FAM13A: variants seen among roughly 807,000 people sequenced by gnomAD.
The protein encoded by FAM13A is family with sequence similarity 13 member A.
In FAM13A, 76 loss-of-function variants were observed where a neutral mutation model predicts 129.6. The observed-to-expected ratio is 0.59, with a 90% confidence interval of 0.49 to 0.71. The LOEUF (loss-of-function observed/expected upper bound fraction) is 0.71, where lower values mean the gene tolerates loss of function less well. FAM13A is among the 30% of genes least tolerant of loss of function. The pLI is 0.00. For synonymous variants in FAM13A, 443 were observed against 449.9 expected (o/e 0.98, Z 0.20); for missense variants, 1,108 against 1,249.3 (o/e 0.89, Z 1.70).
At chr4:88,754,920 C>T (rs1200039763) in intron 14 of FAM13A, among the ~76,000 whole-genome samples, 1 of 151,898 alleles carries the variant, frequency 6.6e-6, no homozygotes, top group Non-Finnish European at 1.5e-5. Flanking sequence ...GAGAATACCC[C>T]CATTTGAGCT....
intron 4 of FAM13A, among the ~76,000 whole-genome samples, chr4:88,949,166 T>C (rs1756492653): frequency 6.6e-6 from 1 of 152,228 alleles, no homozygotes; most frequent in Non-Finnish European, 1.5e-5. Flanking sequence ...AAGCCTTCTA[T>C]GTCTTAATCT....
At chr4:88,817,424 A>G (rs1340268575) in intron 7 of FAM13A, among the ~76,000 whole-genome samples, 1 of 152,014 alleles carries the variant, frequency 6.6e-6, no homozygotes, top group Non-Finnish European at 1.5e-5. Context: ...TTAGCTGGGC[A>G]TGGTGGTGCA....
chr4:88,737,443 A>G (rs1739224145), intron 21 of FAM13A, 29 bp downstream of exon 21: 2 of 1,595,056 alleles, frequency 1.3e-6, no homozygotes, highest in Non-Finnish European at 1.7e-6. Context: ...GTGCGGATTT[A>G]GCAATGGGTT....
chr4:89,042,755 GT>G (rs1217172531), intron 1 of FAM13A, among the ~76,000 whole-genome samples: 4 of 97,594 alleles, frequency 4.1e-5, no homozygotes, highest in African/African-American at 4.1e-5. Context: ...TTCTCTTTAT[GT>G]TTTTTTCTAT....
At chr4:88,753,859 C>T (rs1743126981) in intron 14 of FAM13A, among the ~76,000 whole-genome samples, 2 of 152,192 alleles carry the variant, frequency 1.3e-5, no homozygotes, top group African/African-American at 4.8e-5. Flanking sequence ...ATAACAGGTA[C>T]AATTTCACTG....
chr4:88,879,214 T>A (rs192835761), intron 6 of FAM13A, among the ~76,000 whole-genome samples: 1 of 152,154 alleles, frequency 6.6e-6, no homozygotes, highest in East Asian at 1.9e-4. Context: ...GGTTAAGAGG[T>A]AAGAACAAAA....
chr4:88,917,514 G>A (rs1263008573), intron 5 of FAM13A, among the ~76,000 whole-genome samples: 1 of 152,000 alleles, frequency 6.6e-6, no homozygotes, highest in African/African-American at 2.4e-5. Context: ...CTCCTTTCCT[G>A]GAAACTTTTA....
chr4:88,855,799 C>G (rs1487424757), intron 6 of FAM13A: 2 of 151,932 alleles, frequency 1.3e-5, no homozygotes, highest in Non-Finnish European at 2.9e-5. Context: ...TATCATGCCT[C>G]AATCTTAATT....
chr4:88,953,380 A>T (rs946264844), intron 4 of FAM13A, among the ~76,000 whole-genome samples: 2 of 151,930 alleles, frequency 1.3e-5, no homozygotes, highest in Non-Finnish European at 2.9e-5. Flanking sequence ...ACTTGAACCC[A>T]GAAGGCGGAG....
intron 5 of FAM13A, 87 bp downstream of exon 5, chr4:88,938,001 C>A: frequency 1.0e-6 from 1 of 954,382 alleles, no homozygotes; most frequent in Admixed American, 1.8e-5. Flanking sequence ...GGGTTATATC[C>A]ATATGGAATT....
At chr4:88,766,688 A>G (rs1461472119) in intron 13 of FAM13A, among the ~76,000 whole-genome samples, 2 of 152,208 alleles carry the variant, frequency 1.3e-5, no homozygotes, top group African/African-American at 2.4e-5. Flanking sequence ...CCCAGCTCCT[A>G]GCACAGTACC....
intron 4 of FAM13A, among the ~76,000 whole-genome samples, chr4:88,947,363 C>T (rs562351268): frequency 6.6e-6 from 1 of 152,120 alleles, no homozygotes; most frequent in Non-Finnish European, 1.5e-5. Context: ...GAGCTATGAT[C>T]GCGCCACTGC....
intron 1 of FAM13A, among the ~76,000 whole-genome samples, chr4:89,047,876 A>G (rs1304540372): frequency 6.6e-6 from 1 of 152,262 alleles, no homozygotes; most frequent in Non-Finnish European, 1.5e-5. Flanking sequence ...AAGAAGATAT[A>G]CAATGGCTAA....
intron 5 of FAM13A, among the ~76,000 whole-genome samples, chr4:88,917,445 G>A (rs1162716093): frequency 6.6e-6 from 1 of 152,044 alleles, no homozygotes; most frequent in Non-Finnish European, 1.5e-5. Flanking sequence ...GTATCCACAT[G>A]AGATTTTGTG....
At chr4:88,833,592 A>G (rs1406983635) in intron 7 of FAM13A, among the ~76,000 whole-genome samples, 1 of 152,218 alleles carries the variant, frequency 6.6e-6, no homozygotes, top group Non-Finnish European at 1.5e-5. Context: ...AAAATTCCAC[A>G]TAAAAATCCA....
chr4:88,803,441 C>T (rs889437682), intron 8 of FAM13A, among the ~76,000 whole-genome samples: 1 of 152,088 alleles, frequency 6.6e-6, no homozygotes, highest in African/African-American at 2.4e-5. Flanking sequence ...TACTTTCATT[C>T]TGCAAGTACA....
intron 4 of FAM13A, among the ~76,000 whole-genome samples, chr4:88,951,775 C>A (rs1055018084): frequency 6.6e-6 from 1 of 152,150 alleles, no homozygotes; most frequent in African/African-American, 2.4e-5. Flanking sequence ...ATTTGTTTAA[C>A]CTTCGATCAC....
At chr4:88,862,604 G>T (rs531997707) in intron 6 of FAM13A, among the ~76,000 whole-genome samples, 1 of 152,272 alleles carries the variant, frequency 6.6e-6, no homozygotes, top group East Asian at 1.9e-4. Context: ...ACTAATCTTT[G>T]TTGATAAAAT....
intron 2 of FAM13A, 128 bp downstream of exon 2, chr4:89,029,332 T>C (rs1404792648): frequency 2.5e-5 from 19 of 755,794 alleles, no homozygotes; most frequent in Non-Finnish European, 4.2e-5. Flanking sequence ...TATTACACAA[T>C]AACTTAATAT....
Sources: allele counts gnomAD v4.1 joint callset (sites outside exome capture counted in the v4.1 genomes callset), GRCh38; gene constraint gnomAD v4.1.1; transcripts MANE v1.5; gene names NCBI Gene and HGNC (gene_info 2026-07-23, HGNC 2026-07-21).